The following TACC1 variants were observed in gnomAD, a reference collection of about 807,000 sequenced individuals.
The protein encoded by TACC1 is transforming acidic coiled-coil containing protein 1, also known as transforming acidic coiled-coil-containing protein 1.
In TACC1, 48 loss-of-function variants were observed where a neutral mutation model predicts 84.4. The ratio of observed to expected loss-of-function variants is 0.57; its 90% CI spans 0.45 to 0.72. The LOEUF is 0.72. Ranked by LOEUF, TACC1 falls within the 30% of genes least tolerant of loss-of-function variation. The probability of loss-of-function intolerance (pLI) is 0.00; values close to 1 mark genes in which losing one functional copy is unlikely to be tolerated. For missense variants in TACC1, 920 were observed against 973.0 expected (o/e 0.95, Z 0.72); for synonymous variants, 372 against 376.3 (o/e 0.99, Z 0.13).
intron 3 of TACC1, among the ~76,000 whole-genome samples, chr8:38,771,507 CT>C (rs1297287446): frequency 1.3e-5 from 2 of 152,098 alleles, no homozygotes; most frequent in Admixed American, 1.3e-4. Context: ...GAAATTGCTG[CT>C]GATCAAAAAG....
chr8:38,830,934 C>A (rs541281645), intron 5 of TACC1, among the ~76,000 whole-genome samples, 191 bp from the exon 6 acceptor site: 23 of 152,356 alleles, frequency 1.5e-4, no homozygotes, highest in Admixed American at 1.5e-3. Context: ...ACCATGTGCT[C>A]CTCTTCTGAA....
At chr8:38,832,264 CTAGAATACACTGTTGTGT>C (rs1829412317) in intron 6 of TACC1, among the ~76,000 whole-genome samples, 1 of 152,158 alleles carries the variant, frequency 6.6e-6, no homozygotes, top group Non-Finnish European at 1.5e-5. Flanking sequence ...CACTAGTGTG[CTAGAATACACTGTTGTGT>C]TAGAATACAC....
chr8:38,811,677 C>G (rs556017070), intron 2 of TACC1, among the ~76,000 whole-genome samples: 1 of 152,164 alleles, frequency 6.6e-6, no homozygotes, highest in Non-Finnish European at 1.5e-5. Context: ...TCTTCGTAAG[C>G]TGAGGATGTA....
In TACC1 at chr8:38,820,365, A is replaced by G. The variant is rs1330993163; in HGVS notation, c.1121A>G (p.Asp374Gly). ...LEQPTDPVAR[D>G]GPLSQTSSKP... is the part of the protein sequence containing the mutation. ...CAGCCTACAGACCCAGTGGCACGAG[A>G]CGGGCCTCTCTCCCAAACATCTTCC... The change falls in exon 3 of 13, where the codon GAC becomes GGC. Residue 374 changes from aspartate to glycine, a missense_variant. Transcript: ENST00000317827. 1 of 1,614,036 alleles carries G rather than the reference A, an allele frequency of 6.2e-7. No homozygotes were observed.
chr8:38,770,508 C>T (rs1480446346), intron 3 of TACC1, among the ~76,000 whole-genome samples: 1 of 152,128 alleles, frequency 6.6e-6, no homozygotes, highest in Non-Finnish European at 1.5e-5. Context: ...CTTCCACTTT[C>T]ATCACCAGAG....
chr8:38,745,222 CA>C, exon 3 of TACC1: 1 of 396,096 alleles, frequency 2.5e-6, no homozygotes, highest in Non-Finnish European at 4.5e-6. Flanking sequence ...CAGCTAAAGA[CA>C]AAGATCTGCA....
At chr8:38,731,767 C>CAACAAA (rs1172157673) in intron 1 of TACC1, among the ~76,000 whole-genome samples, 32 of 151,366 alleles carry the variant, frequency 2.1e-4, no homozygotes, top group Middle Eastern at 3.2e-3. Context: ...ACAACAACAA[C>CAACAAA]AAAACTAGTC....
intron 3 of TACC1, among the ~76,000 whole-genome samples, chr8:38,821,831 A>T (rs1160266220): frequency 2.0e-5 from 3 of 152,158 alleles, no homozygotes; most frequent in Non-Finnish European, 4.4e-5. Context: ...TCGTCAAGTG[A>T]ACTTACTCAA....
intron 2 of TACC1, among the ~76,000 whole-genome samples, chr8:38,817,312 A>G (rs1237937658): frequency 6.6e-6 from 1 of 152,276 alleles, no homozygotes; most frequent in Non-Finnish European, 1.5e-5. Context: ...ATCAGCACAA[A>G]GAAACAATAA....
At chr8:38,820,872 G>A (rs1826626580) in intron 3 of TACC1, among the ~76,000 whole-genome samples, 1 of 151,946 alleles carries the variant, frequency 6.6e-6, no homozygotes, top group Admixed American at 6.6e-5. Context: ...AGCTTAATCA[G>A]CTAAGCTCTT....
At chr8:38,808,955 G>A (rs1273668569) in intron 2 of TACC1, among the ~76,000 whole-genome samples, 2 of 151,956 alleles carry the variant, frequency 1.3e-5, no homozygotes, top group African/African-American at 4.8e-5. Context: ...ATGCCAGACT[G>A]AGATATGGGG....
At chr8:38,809,177 T>C (rs1330351771) in intron 2 of TACC1, among the ~76,000 whole-genome samples, 1 of 152,106 alleles carries the variant, frequency 6.6e-6, no homozygotes, top group African/African-American at 2.4e-5. Flanking sequence ...TAAGGCTCCC[T>C]ATCACTGATG....
chr8:38,797,261 A>C (rs1820219170), intron 2 of TACC1, among the ~76,000 whole-genome samples: 2 of 152,254 alleles, frequency 1.3e-5, no homozygotes, highest in African/African-American at 4.8e-5. Context: ...TACACAGGTC[A>C]GTCCAAGGGC....
chr8:38,766,308 G>T (rs1021742278), intron 3 of TACC1, among the ~76,000 whole-genome samples: 5 of 152,088 alleles, frequency 3.3e-5, no homozygotes, highest in Admixed American at 1.3e-4. Context: ...AATCTTATAT[G>T]TCTGCTACAT....
intron 2 of TACC1, among the ~76,000 whole-genome samples, chr8:38,808,259 A>G (rs17513905): frequency 0.29 from 43,807 of 152,124 alleles, 7,087 homozygotes; most frequent in Non-Finnish European, 0.37. Flanking sequence ...GGTTAGTTAC[A>G]TAACAGTGCT....
At chr8:38,788,341 G>T (rs777048962) in intron 1 of TACC1, 76 of 192,364 alleles carry the variant, frequency 4.0e-4, no homozygotes, top group Non-Finnish European at 5.8e-4. Flanking sequence ...CCTAACTCGG[G>T]GGTGGGACCA....
chr8:38,799,403 A>G (rs1820810142), intron 2 of TACC1, among the ~76,000 whole-genome samples: 1 of 152,350 alleles, frequency 6.6e-6, no homozygotes, highest in Middle Eastern at 3.4e-3. Context: ...TTCTGCTCCC[A>G]GGGATACAAA....
chr8:38,730,696 C>G (rs960613506), intron 1 of TACC1, among the ~76,000 whole-genome samples: 4 of 152,182 alleles, frequency 2.6e-5, no homozygotes, highest in Non-Finnish European at 4.4e-5. Context: ...TTTTTGCAGC[C>G]CTGTTTGACA....
chr8:38,809,260 A>T (rs1227017495), intron 2 of TACC1, among the ~76,000 whole-genome samples: 1 of 152,124 alleles, frequency 6.6e-6, no homozygotes, highest in Non-Finnish European at 1.5e-5. Context: ...TGAGAGGAGC[A>T]TGTGGGGGTG....
Sources: gnomAD v4.1 joint callset for allele counts (sites outside exome capture counted in the v4.1 genomes callset) on GRCh38, gnomAD v4.1.1 for gene constraint, MANE v1.5 for transcripts, NCBI Gene and HGNC (gene_info 2026-07-23, HGNC 2026-07-21) for gene names.